EYS: variants seen among roughly 807,000 people sequenced by gnomAD.
EYS encodes the protein protein eyes shut homolog.
A neutral mutation model predicts 282.1 loss-of-function variants in EYS; 250 were observed. The observed-to-expected ratio is 0.89, with a 90% CI of 0.80 to 0.98. EYS has a LOEUF of 0.98. Among genes scored for constraint, EYS ranks in the 50% least tolerant of loss-of-function variants. The pLI is 0.00. For synonymous variants in EYS, 1,355 were observed against 1,282.9 expected (o/e 1.06, Z -1.20); for missense variants, 4,016 against 3,709.0 (o/e 1.08, Z -2.15).
At chr6:63,774,495 C>T (rs1320709367) in intron 40 of EYS, among the ~76,000 whole-genome samples, 1 of 152,098 alleles carries the variant, frequency 6.6e-6, no homozygotes, top group Non-Finnish European at 1.5e-5. Context: ...TAAAGGGACA[C>T]ATCTGCATAT....
At chr6:65,244,629 C>A (rs2150278431) in intron 12 of EYS, among the ~76,000 whole-genome samples, 1 of 151,784 alleles carries the variant, frequency 6.6e-6, no homozygotes, top group South Asian at 2.1e-4. Context: ...TCTCCTGCCT[C>A]AGCCTCCGGA....
chr6:65,604,303 A>C (rs1426793749), intron 2 of EYS, among the ~76,000 whole-genome samples: 1 of 152,014 alleles, frequency 6.6e-6, no homozygotes, highest in Non-Finnish European at 1.5e-5. Flanking sequence ...TCACATTTGA[A>C]TTAGATACCA....
At chr6:64,731,983 A>G (rs1771985081) in intron 22 of EYS, among the ~76,000 whole-genome samples, 1 of 152,168 alleles carries the variant, frequency 6.6e-6, no homozygotes, top group African/African-American at 2.4e-5. Flanking sequence ...ATGCAGCCAT[A>G]AAAAAGGATG....
chr6:65,189,524 G>T (rs974275437), intron 12 of EYS, among the ~76,000 whole-genome samples: 1 of 151,702 alleles, frequency 6.6e-6, no homozygotes, highest in Non-Finnish European at 1.5e-5. Context: ...CCCCATTAAA[G>T]CACAGAAGAC....
chr6:64,567,181 A>G (rs1260168536), intron 26 of EYS, among the ~76,000 whole-genome samples: 5 of 152,230 alleles, frequency 3.3e-5, no homozygotes, highest in South Asian at 2.1e-4. Flanking sequence ...AAAATGCAAT[A>G]ACGCATTTTA....
chr6:64,032,028 C>T (rs1414925780), intron 33 of EYS, among the ~76,000 whole-genome samples: 6 of 152,118 alleles, frequency 3.9e-5, no homozygotes, highest in East Asian at 1.9e-4. Context: ...TGAGCTTTAA[C>T]ACTCACCACG....
At chr6:64,385,640 T>G (rs868737496) in intron 29 of EYS, among the ~76,000 whole-genome samples, 1 of 152,200 alleles carries the variant, frequency 6.6e-6, no homozygotes, top group South Asian at 2.1e-4. Context: ...TTTAGTCAAT[T>G]ATTATCATCA....
At position 63,721,220 on chromosome 6, in the gene EYS, G is replaced by A; in HGVS notation, c.8811C>T (p.Cys2937=). The change falls in exon 43 of 43, where the codon TGC becomes TGT. Residue 2937 remains cysteine, a synonymous_variant. Coordinates refer to ENST00000503581, the MANE Select transcript of EYS (RefSeq NM_001142800.2). Reference sequence around the variant, plus strand: ...TTCCCACCCAACCCAAAGTACACAGGCAACTGTAAGAAAATGATTGGTCAG... The same window carrying A: ...TTCCCACCCAACCCAAAGTACACAGACAACTGTAAGAAAATGATTGGTCAG... ...CIPDQSFSYS[C]LCTLGWVGRY... The A allele has an allele frequency of 1.3e-6, 2 of 1,551,688 alleles. No homozygotes were observed. Among genetic ancestry groups the A allele is most frequent in the Non-Finnish European group, 1.7e-6 (2 of 1,146,936 alleles).
chr6:64,792,296 T>C (rs909033477), intron 22 of EYS, among the ~76,000 whole-genome samples: 33 of 151,976 alleles, frequency 2.2e-4, no homozygotes, highest in Non-Finnish European at 4.7e-4. Context: ...CTGTAACTCA[T>C]AATGTTCTGG....
chr6:65,275,011 G>C (rs536360743), intron 12 of EYS, among the ~76,000 whole-genome samples: 1 of 152,036 alleles, frequency 6.6e-6, no homozygotes, highest in Non-Finnish European at 1.5e-5. Context: ...CTAGTGATCT[G>C]AAAAGCTGCT....
At chr6:65,559,505 C>T (rs1234394495) in intron 2 of EYS, among the ~76,000 whole-genome samples, 2 of 152,110 alleles carry the variant, frequency 1.3e-5, no homozygotes, top group East Asian at 1.9e-4. Flanking sequence ...ATTCACTCCC[C>T]AAGATTAGGC....
At chr6:65,207,411 C>T (rs1766063613) in intron 12 of EYS, among the ~76,000 whole-genome samples, 1 of 151,520 alleles carries the variant, frequency 6.6e-6, no homozygotes, top group Non-Finnish European at 1.5e-5. Context: ...ATCTCATGTT[C>T]ATGGATTGGA....
At chr6:65,346,096 G>T (rs1857422) in intron 9 of EYS, among the ~76,000 whole-genome samples, 101,979 of 151,376 alleles carry the variant, frequency 0.67, 34,459 homozygotes, top group South Asian at 0.72. Context: ...TCTCAGGAGC[G>T]CCTGCCTTAA....
Position 64,531,393 on chromosome 6 carries a change from G to T in EYS, c.5644+58830C>A, listed in dbSNP as rs9345198. On this transcript the variant is annotated intron_variant, in intron 26 of 42. Coordinates refer to ENST00000503581, the MANE Select transcript of EYS (RefSeq NM_001142800.2). ...GATGAAAAATTGAGTTTTGTTTTTTGTTTTTTTTTTTTGAGATGGAGTCTC... is the reference window on the plus strand; with the variant it reads ...GATGAAAAATTGAGTTTTGTTTTTTTTTTTTTTTTTTTGAGATGGAGTCTC... 2.2e-3 allele frequency among the ~76,000 whole-genome samples: 262 copies of T among 118,964 alleles called. 9 individuals are homozygous for T. Among genetic ancestry groups the T allele is most frequent in the Middle Eastern group, 9.9e-3 (2 of 202 alleles). 78.0% of individuals were successfully genotyped at this position (118,964 alleles called of 152,430 possible).
chr6:64,902,303 T>C, intron 17 of EYS, 83 bp from the exon 18 acceptor site: 1 of 1,305,600 alleles, frequency 7.7e-7, no homozygotes, highest in Non-Finnish European at 1.1e-6. Flanking sequence ...GGCAAGTTTT[T>C]AATAATTATA....
intron 12 of EYS, among the ~76,000 whole-genome samples, chr6:65,067,016 G>A (rs192865973): frequency 4.5e-4 from 68 of 152,176 alleles, no homozygotes; most frequent in African/African-American, 1.1e-3. Context: ...TTAGGAAAAT[G>A]GCCTTGTTAG....
intron 5 of EYS, among the ~76,000 whole-genome samples, chr6:65,476,924 G>C (rs373878977): frequency 6.6e-6 from 1 of 152,192 alleles, no homozygotes; most frequent in Non-Finnish European, 1.5e-5. Flanking sequence ...GGTTATTAAG[G>C]TAAGCCTGAA....
At chr6:64,715,059 A>C (rs1425155427) in intron 22 of EYS, among the ~76,000 whole-genome samples, 20 of 151,870 alleles carry the variant, frequency 1.3e-4, no homozygotes, top group Admixed American at 3.3e-4. Flanking sequence ...CAGGGACCAG[A>C]TCTGTGGAAG....
At chr6:63,863,897 A>G (rs985899225) in intron 36 of EYS, among the ~76,000 whole-genome samples, 5 of 151,932 alleles carry the variant, frequency 3.3e-5, no homozygotes, top group African/African-American at 1.2e-4. Context: ...GTGGGTCTCG[A>G]ATTTCTGACC....
Sources: gnomAD v4.1 joint callset for allele counts (sites outside exome capture counted in the v4.1 genomes callset) on GRCh38, gnomAD v4.1.1 for gene constraint, MANE v1.5 for transcripts, NCBI Gene and HGNC (gene_info 2026-07-23, HGNC 2026-07-21) for gene names.